Variants in PTGER3 observed in about 807,000 individuals in gnomAD.
The protein encoded by PTGER3 is prostaglandin E2 receptor EP3 subtype.
A neutral mutation model predicts 34.7 loss-of-function variants in PTGER3; 22 were observed. That is an observed-to-expected ratio of 0.63 (90% CI 0.45 to 0.91). The LOEUF is 0.91. PTGER3 is among the 40% of genes least tolerant of loss of function. The pLI is 0.00. For synonymous variants in PTGER3, 241 were observed against 230.1 expected (o/e 1.05, Z -0.43); for missense variants, 468 against 519.4 (o/e 0.90, Z 0.96).
At chr1:70,959,614 G>A (rs1424929679) in intron 2 of PTGER3, among the ~76,000 whole-genome samples, 1 of 152,118 alleles carries the variant, frequency 6.6e-6, no homozygotes, top group African/African-American at 2.4e-5. Flanking sequence ...GTCTGCCACA[G>A]CTTCCCAAAC....
intron 4 of PTGER3, among the ~76,000 whole-genome samples, chr1:70,857,419 CT>C (rs1557606864): frequency 6.6e-6 from 1 of 151,892 alleles, no homozygotes; most frequent in South Asian, 2.1e-4. Flanking sequence ...TTTTTTTCCC[CT>C]GATAGTTCAG....
intron 2 of PTGER3, chr1:71,007,765 T>C: frequency 1.0e-6 from 1 of 985,342 alleles, no homozygotes; most frequent in Non-Finnish European, 1.2e-6. Flanking sequence ...GTTTAATGAT[T>C]GGCTGTTTTT....
downstream of PTGER3, among the ~76,000 whole-genome samples, chr1:70,970,066 T>A (rs374303812): frequency 1.1e-4 from 16 of 152,306 alleles, no homozygotes; most frequent in African/African-American, 3.9e-4. Flanking sequence ...CATCACTTTG[T>A]CTTGTAAACA....
intron 1 of PTGER3, among the ~76,000 whole-genome samples, chr1:71,016,173 T>A (rs1657875741): frequency 1.3e-5 from 2 of 152,194 alleles, no homozygotes; most frequent in Non-Finnish European, 2.9e-5. Context: ...CTTCAAGCAA[T>A]CCTCTTGTGT....
At chr1:70,922,615 C>A (rs1030510663) in intron 4 of PTGER3, among the ~76,000 whole-genome samples, 22 of 152,036 alleles carry the variant, frequency 1.4e-4, no homozygotes, top group African/African-American at 5.1e-4. Flanking sequence ...CCCTTACTTA[C>A]CAAGGCTTTC....
At chr1:71,021,318 T>C (rs1658399195) in intron 1 of PTGER3, among the ~76,000 whole-genome samples, 1 of 152,204 alleles carries the variant, frequency 6.6e-6, no homozygotes, top group Non-Finnish European at 1.5e-5. Context: ...AAATTCTGTA[T>C]GACTTGGCTC....
chr1:70,864,200 A>G (rs1645991672), intron 4 of PTGER3, among the ~76,000 whole-genome samples: 1 of 151,820 alleles, frequency 6.6e-6, no homozygotes, highest in African/African-American at 2.4e-5. Context: ...TTTTTTTTAT[A>G]TTAGTCAAAT....
At chr1:70,920,454 C>A (rs1176848000) in intron 4 of PTGER3, among the ~76,000 whole-genome samples, 1 of 152,164 alleles carries the variant, frequency 6.6e-6, no homozygotes, top group Non-Finnish European at 1.5e-5. Context: ...GACAAGGTTT[C>A]ACTTTTTTAG....
chr1:70,856,214 T>A (rs1326876283), intron 4 of PTGER3, among the ~76,000 whole-genome samples: 3 of 152,174 alleles, frequency 2.0e-5, no homozygotes, highest in African/African-American at 7.2e-5. Context: ...TTGTCAGTTA[T>A]CTTTATGACC....
At chr1:70,988,527 T>C (rs1199488518) in intron 2 of PTGER3, among the ~76,000 whole-genome samples, 1 of 152,200 alleles carries the variant, frequency 6.6e-6, no homozygotes, top group Non-Finnish European at 1.5e-5. Context: ...CACCCTTCTT[T>C]ATTCCTTCCT....
At chr1:70,881,324 CT>C (rs1646385848) in intron 4 of PTGER3, among the ~76,000 whole-genome samples, 1 of 152,098 alleles carries the variant, frequency 6.6e-6, no homozygotes, top group Non-Finnish European at 1.5e-5. Context: ...TTATTACATT[CT>C]TTAGATTCCA....
chr1:71,036,548 T>C (rs796409820), intron 1 of PTGER3, among the ~76,000 whole-genome samples: 3 of 150,874 alleles, frequency 2.0e-5, no homozygotes, highest in East Asian at 3.9e-4. Context: ...AAATAAAAAA[T>C]AAAAGAAAGG....
At chr1:70,944,528 T>C (rs558110561) in intron 4 of PTGER3, among the ~76,000 whole-genome samples, 30 of 152,248 alleles carry the variant, frequency 2.0e-4, no homozygotes, top group Admixed American at 5.2e-4. Flanking sequence ...TTTCAGTTAT[T>C]TCATCAATAA....
intron 2 of PTGER3, chr1:71,007,138 A>T: frequency 2.0e-6 from 2 of 985,682 alleles, no homozygotes; most frequent in Non-Finnish European, 2.4e-6. Context: ...GATGCTGAGG[A>T]GGAGAGGTGA....
chr1:70,981,454 C>T (rs753880604), intron 2 of PTGER3, among the ~76,000 whole-genome samples: 17 of 150,052 alleles, frequency 1.1e-4, no homozygotes, highest in Non-Finnish European at 2.4e-4. Context: ...GTCTCTGTCA[C>T]CTAGGCTGGA....
chr1:71,030,682 G>A (rs1368786935), intron 1 of PTGER3, among the ~76,000 whole-genome samples: 1 of 152,132 alleles, frequency 6.6e-6, no homozygotes, highest in African/African-American at 2.4e-5. Flanking sequence ...GTTACTGTCA[G>A]ACAAGTGAAA....
downstream of PTGER3, among the ~76,000 whole-genome samples, chr1:70,966,376 C>T (rs573006565): frequency 5.3e-5 from 8 of 152,004 alleles, no homozygotes; most frequent in Admixed American, 3.9e-4. Context: ...AACACTTGTT[C>T]CCCCAAAACC....
At chr1:70,921,248 A>G (rs1182954639) in intron 4 of PTGER3, among the ~76,000 whole-genome samples, 1 of 152,136 alleles carries the variant, frequency 6.6e-6, no homozygotes, top group Non-Finnish European at 1.5e-5. Flanking sequence ...GAGAAACACA[A>G]GTGTATATCA....
intron 4 of PTGER3, among the ~76,000 whole-genome samples, chr1:70,915,574 A>G (rs1647156884): frequency 6.6e-6 from 1 of 151,944 alleles, no homozygotes; most frequent in South Asian, 2.1e-4. Flanking sequence ...ACAATCTTAA[A>G]GTCACAATAA....
Sources: allele counts gnomAD v4.1 joint callset (sites outside exome capture counted in the v4.1 genomes callset), GRCh38; gene constraint gnomAD v4.1.1; transcripts MANE v1.5; gene names NCBI Gene and HGNC (gene_info 2026-07-23, HGNC 2026-07-21).